AGAP1: variants seen among roughly 807,000 people sequenced by gnomAD.
The protein encoded by AGAP1 is arf-GAP with GTPase, ANK repeat and PH domain-containing protein 1.
A neutral mutation model predicts 105.3 loss-of-function variants in AGAP1; 29 were observed. That is an observed-to-expected ratio of 0.28 (90% CI 0.21 to 0.38). AGAP1 has a LOEUF of 0.38. Ranked by LOEUF, AGAP1 falls within the 10% of genes least tolerant of loss-of-function variation. The pLI, the probability that AGAP1 is intolerant of heterozygous loss-of-function variation, is 1.00. For synonymous variants in AGAP1, 509 were observed against 485.9 expected, an observed-to-expected ratio of 1.05 and a Z score of -0.63; for missense variants, 998 against 1,165.1, an observed-to-expected ratio of 0.86 and a Z score of 2.09.
chr2:236,080,365 C>T lies in AGAP1; in HGVS notation c.2114+31084C>T. Among the ~76,000 whole-genome samples, 1 of 152,230 alleles carries T rather than the reference C, an allele frequency of 6.6e-6. No homozygotes were observed. The highest frequency in any genetic ancestry group is 6.5e-5 in the Admixed American group (1 of 15,282). ...TCTGTGAGTCCAGAAACCTCCATCT[C>T]AGTCTAGGAGGGACAGCTAGGAGGA... On this transcript the variant is annotated intron_variant, in intron 16 of 17. Transcript: ENST00000304032. The surrounding 1 kb of genome is among the most constrained non-coding windows in gnomAD (Gnocchi z 4.2).
chr2:236,041,063 T>C (rs1022575794), intron 15 of AGAP1, among the ~76,000 whole-genome samples: 2 of 152,174 alleles, frequency 1.3e-5, no homozygotes, highest in African/African-American at 4.8e-5. Flanking sequence ...AGTCTTTCCT[T>C]GCCTTAGGCA....
rs2049678272 is a variant in AGAP1 at position 235,875,491 on chromosome 2, G to T, written c.1051-7854G>T. Among the ~76,000 whole-genome samples the T allele has an allele frequency of 6.6e-6, 1 of 152,164 alleles. No individual in the cohort carries two copies. The highest frequency in any genetic ancestry group is 2.1e-4 in the South Asian group (1 of 4,830). On this transcript the variant is annotated intron_variant, in intron 9 of 17. Coordinates refer to ENST00000304032, the MANE Select transcript of AGAP1 (RefSeq NM_001037131.3). The surrounding 1 kb of genome is among the most constrained non-coding windows in gnomAD (Gnocchi z 4.0). ...TGCCCACGAGGCTGTGCGGCTCAGG[G>T]CCAGGTCGGTTTTGAGTCACGTGCT...
chr2:236,026,786 G>A (rs1291285471), intron 13 of AGAP1, among the ~76,000 whole-genome samples: 2 of 152,126 alleles, frequency 1.3e-5, no homozygotes, highest in Non-Finnish European at 2.9e-5. Context: ...GGATTTCTGG[G>A]GAAGCTAGTT....
rs181374421 is a variant in AGAP1 at position 235,860,308 on chromosome 2, C to T, written c.1051-23037C>T. 1.1e-3 allele frequency among the ~76,000 whole-genome samples: 171 copies of T among 152,220 alleles called. 1 individual carries two copies. Among genetic ancestry groups the T allele is most frequent in the Non-Finnish European group, 2.9e-4 (20 of 68,018 alleles). On this transcript the variant is annotated intron_variant, in intron 9 of 17. Coordinates refer to ENST00000304032, the MANE Select transcript of AGAP1 (RefSeq NM_001037131.3). The stretch of plus-strand genomic sequence containing the variant: ...TCTGCTGGAAGTCATTACGTAAGTG[C>T]GTTCGGTATTTCCTTTAACTGTTCT...
chr2:235,618,278 A>G (rs913905377), intron 1 of AGAP1, among the ~76,000 whole-genome samples: 31 of 152,104 alleles, frequency 2.0e-4, no homozygotes, highest in African/African-American at 7.2e-4. Flanking sequence ...AAACCACAAG[A>G]GCTGGAAAAT....
At chr2:235,529,054 G>A (rs1187074073) in intron 1 of AGAP1, among the ~76,000 whole-genome samples, 1 of 152,176 alleles carries the variant, frequency 6.6e-6, no homozygotes, top group African/African-American at 2.4e-5. Flanking sequence ...CTCTCTTTCT[G>A]AGAGCCACAA....
In AGAP1 at chr2:236,001,168, C is replaced by T. The variant is rs116194180; in HGVS notation, c.1645+32545C>T. Reference sequence around the variant, plus strand: ...TCTGGCGGTGGCTGGGGCAGCGCGGCTGTGGGGCAGAGAATGCTGAGATAA... The same window carrying T: ...TCTGGCGGTGGCTGGGGCAGCGCGGTTGTGGGGCAGAGAATGCTGAGATAA... On this transcript the variant is annotated intron_variant, in intron 13 of 17. Transcript: ENST00000304032. The surrounding 1 kb of genome is among the most constrained non-coding windows in gnomAD (Gnocchi z 4.7). Among the ~76,000 whole-genome samples, 2,631 of 152,236 alleles carry T rather than the reference C, an allele frequency of 0.017. 40 individuals carry two copies. The highest frequency in any genetic ancestry group is 0.028 in the Non-Finnish European group (1,918 of 68,000).
At position 236,119,290 on chromosome 2, in the gene AGAP1, T is replaced by A. The variant is rs2059845593; in HGVS notation, c.2115-902T>A. ...GGCTTCTGGGAGCTACCTGCCTGTT[T>A]CCCAGGCCCTGGAACAGTTTCCCCC... On this transcript the variant is annotated intron_variant, in intron 16 of 17. Coordinates refer to ENST00000304032, the MANE Select transcript of AGAP1 (RefSeq NM_001037131.3). This position sits in a 1 kb window ranked among gnomAD's most constrained non-coding sequence, Gnocchi z 6.6. Among the ~76,000 whole-genome samples, 1 of 152,164 alleles carries A rather than the reference T, an allele frequency of 6.6e-6. No individual in the cohort carries two copies. The highest frequency in any genetic ancestry group is 6.5e-5 in the Admixed American group (1 of 15,282).
chr2:235,698,664 G>A (rs956340317), intron 1 of AGAP1, among the ~76,000 whole-genome samples: 1 of 152,106 alleles, frequency 6.6e-6, no homozygotes, highest in Non-Finnish European at 1.5e-5. Context: ...ATGTTCTACC[G>A]CTTCTTAGGG....
intron 1 of AGAP1, among the ~76,000 whole-genome samples, chr2:235,699,074 C>T (rs960466506): frequency 6.6e-6 from 1 of 151,286 alleles, no homozygotes; most frequent in Admixed American, 6.6e-5. Context: ...AGACATCCCC[C>T]CCCCCCACCC....
chr2:235,512,192 G>C (rs1476884031), intron 1 of AGAP1, among the ~76,000 whole-genome samples: 2 of 152,204 alleles, frequency 1.3e-5, no homozygotes, highest in Non-Finnish European at 2.9e-5. Context: ...CAGAATGCTG[G>C]GCAGATGGCT....
In AGAP1 at chr2:235,981,150, T is replaced by C. The variant is rs995800167; in HGVS notation, c.1645+12527T>C. On this transcript the variant is annotated intron_variant, in intron 13 of 17. Transcript: ENST00000304032. This position sits in a 1 kb window ranked among gnomAD's most constrained non-coding sequence, Gnocchi z 5.5. ...TGTGAGATGTTTCTCAAAGTCTGTC[T>C]TGAACTTGCCAACACATGCTGCCTC... is the stretch of plus-strand genomic sequence containing the variant. Among the ~76,000 whole-genome samples the C allele has an allele frequency of 1.3e-5, 2 of 152,214 alleles. No individual in the cohort carries two copies. The highest frequency in any genetic ancestry group is 4.8e-5 in the African/African-American group (2 of 41,458).
At position 235,736,089 on chromosome 2, in the gene AGAP1, C is replaced by T. The variant is rs975799230; in HGVS notation, c.311-4874C>T. Among the ~76,000 whole-genome samples the T allele has an allele frequency of 6.6e-6, 1 of 151,568 alleles. No individual in the cohort carries two copies. Among genetic ancestry groups the T allele is most frequent in the African/African-American group, 2.4e-5 (1 of 41,222 alleles). Reference sequence around the variant, plus strand: ...AGCACAGATTTCAGTGAGACTGGGACTCTGTTTTCCCCTCTCACTGAGATG... The same window carrying T: ...AGCACAGATTTCAGTGAGACTGGGATTCTGTTTTCCCCTCTCACTGAGATG... On this transcript the variant is annotated intron_variant, in intron 3 of 17. Coordinates refer to ENST00000304032, the MANE Select transcript of AGAP1 (RefSeq NM_001037131.3). The surrounding 1 kb of genome is among the most constrained non-coding windows in gnomAD (Gnocchi z 5.5).
intron 9 of AGAP1, chr2:235,853,066 CAAAG>C: frequency 8.1e-7 from 1 of 1,236,118 alleles, no homozygotes; most frequent in South Asian, 4.2e-5. Context: ...ATTCAGTCCA[CAAAG>C]GAAGGAAATC....
At chr2:235,644,049 G>A (rs199767664) in intron 1 of AGAP1, among the ~76,000 whole-genome samples, 2 of 152,136 alleles carry the variant, frequency 1.3e-5, no homozygotes, top group Non-Finnish European at 2.9e-5. Flanking sequence ...GGCCACAAAG[G>A]GGGGTCAGTC....
In AGAP1 at chr2:235,621,531, C is replaced by G. The variant is rs927337763; in HGVS notation, c.164-87648C>G. 6.6e-6 allele frequency among the ~76,000 whole-genome samples: 1 copy of G among 152,166 alleles called. No individual in the cohort carries two copies. The highest frequency in any genetic ancestry group is 1.5e-5 in the Non-Finnish European group (1 of 68,032). On this transcript the variant is annotated intron_variant, in intron 1 of 17. Coordinates refer to ENST00000304032, the MANE Select transcript of AGAP1 (RefSeq NM_001037131.3). This position sits in a 1 kb window ranked among gnomAD's most constrained non-coding sequence, Gnocchi z 4.1. ...CTGTCATGTGAATGTGTCAAGGGCC[C>G]TGTCACGTCTCTGAGCCGGCTTCTC...
chr2:235,604,905 G>A (rs1945874842), intron 1 of AGAP1, among the ~76,000 whole-genome samples: 1 of 150,346 alleles, frequency 6.7e-6, no homozygotes, highest in Admixed American at 6.6e-5. Context: ...TTTTGAGACG[G>A]AGTCTCTCTC....
At chr2:235,534,365 T>C (rs1943141376) in intron 1 of AGAP1, among the ~76,000 whole-genome samples, 1 of 152,166 alleles carries the variant, frequency 6.6e-6, no homozygotes, top group Non-Finnish European at 1.5e-5. Flanking sequence ...CGGCCAGACA[T>C]GTCCACTGTT....
intron 6 of AGAP1, chr2:235,774,331 G>GAT (rs1955694458): frequency 2.1e-6 from 1 of 470,284 alleles, no homozygotes; most frequent in South Asian, 1.5e-5. Flanking sequence ...TGGGAAGATA[G>GAT]AGGTGCTGCT....
Sources: gnomAD v4.1 joint callset for allele counts (sites outside exome capture counted in the v4.1 genomes callset) on GRCh38, gnomAD v4.1.1 for gene constraint, Gnocchi (gnomAD v3.1) non-coding constraint, MANE v1.5 for transcripts, NCBI Gene and HGNC (gene_info 2026-07-23, HGNC 2026-07-21) for gene names.